Variants in BRINP1 observed in about 807,000 individuals in gnomAD.
The protein encoded by BRINP1 is BMP/retinoic acid-inducible neural-specific protein 1.
BRINP1 carries 17 observed loss-of-function variants against 72.9 expected under a neutral mutation model. That is an observed-to-expected ratio of 0.23 (90% CI 0.16 to 0.35). BRINP1 has a LOEUF of 0.35. Ranked by LOEUF, BRINP1 falls within the 10% of genes least tolerant of loss-of-function variation. BRINP1 has a pLI of 1.00. For synonymous variants in BRINP1, 418 were observed against 378.5 expected, an observed-to-expected ratio of 1.10 and a Z score of -1.21; for missense variants, 850 against 1,001.6, an observed-to-expected ratio of 0.85 and a Z score of 2.04.
At position 119,261,283 on chromosome 9, in the gene BRINP1, G is replaced by T. The variant is rs141269909; in HGVS notation, c.219-12133C>A. On this transcript the variant is annotated intron_variant, in intron 2 of 7. Coordinates refer to ENST00000265922, the MANE Select transcript of BRINP1 (RefSeq NM_014618.3). Reference sequence around the variant, plus strand: ...GTTTCAGAAAAGTAAAAATGTTTATGGAACATTAGCAATTGTCTTCTGGAT... The same window carrying T: ...GTTTCAGAAAAGTAAAAATGTTTATTGAACATTAGCAATTGTCTTCTGGAT... 2.7e-3 allele frequency among the ~76,000 whole-genome samples: 414 copies of T among 152,258 alleles called. 3 individuals are homozygous for T. Among genetic ancestry groups the T allele is most frequent in the African/African-American group, 9.5e-3 (394 of 41,560 alleles).
intron 2 of BRINP1, among the ~76,000 whole-genome samples, chr9:119,273,059 T>C (rs1830623507): frequency 6.6e-6 from 1 of 152,118 alleles, no homozygotes; most frequent in Admixed American, 6.5e-5. Flanking sequence ...CTGCACACAG[T>C]TCTGGGTGCT....
At chr9:119,283,860 C>T (rs1431602684) in intron 2 of BRINP1, among the ~76,000 whole-genome samples, 1 of 152,102 alleles carries the variant, frequency 6.6e-6, no homozygotes, top group Admixed American at 6.5e-5. Flanking sequence ...ACACAAGTAC[C>T]ATACCGTCAC....
At chr9:119,347,914 C>T (rs1222322841) in intron 1 of BRINP1, among the ~76,000 whole-genome samples, 1 of 152,182 alleles carries the variant, frequency 6.6e-6, no homozygotes, top group East Asian at 1.9e-4. Flanking sequence ...CCATTATCAA[C>T]ATGCCCTATT....
chr9:119,253,135 T>C (rs1830410600), intron 2 of BRINP1, among the ~76,000 whole-genome samples: 1 of 152,150 alleles, frequency 6.6e-6, no homozygotes, highest in Admixed American at 6.5e-5. Flanking sequence ...TCCCAAGGAA[T>C]TGGTCCACTG....
chr9:119,349,646 T>C (rs904858547), intron 1 of BRINP1, among the ~76,000 whole-genome samples: 1 of 152,196 alleles, frequency 6.6e-6, no homozygotes, highest in Admixed American at 6.5e-5. Flanking sequence ...CAAAGTTCTA[T>C]TTCAGCCCCT....
At chr9:119,182,774 C>T (rs1829571850) in intron 7 of BRINP1, among the ~76,000 whole-genome samples, 2 of 152,098 alleles carry the variant, frequency 1.3e-5, no homozygotes, top group Non-Finnish European at 2.9e-5. Flanking sequence ...ATTATAGCAG[C>T]CTGAACAGAC....
intron 4 of BRINP1, among the ~76,000 whole-genome samples, chr9:119,241,686 C>T (rs893301035): frequency 3.9e-5 from 6 of 152,202 alleles, no homozygotes; most frequent in African/African-American, 7.2e-5. Flanking sequence ...GTAATCTAAT[C>T]GCTGCTATCT....
rs112994372 is a variant in BRINP1, at chr9:119,209,152, C to T, written c.923-211G>A. On this transcript the variant is annotated intron_variant, in intron 6 of 7. Coordinates refer to ENST00000265922, the MANE Select transcript of BRINP1 (RefSeq NM_014618.3). Reference sequence around the variant, plus strand: ...TTTCTTATGAAGGGAATCTGCATACCGCATTCTTGCTTAAGACAGGGCTTC... The same window carrying T: ...TTTCTTATGAAGGGAATCTGCATACTGCATTCTTGCTTAAGACAGGGCTTC... 9.4e-3 allele frequency among the ~76,000 whole-genome samples: 1,439 copies of T among 152,282 alleles called. 23 individuals carry two copies. The highest frequency in any genetic ancestry group is 0.032 in the African/African-American group (1,316 of 41,554).
intron 5 of BRINP1, among the ~76,000 whole-genome samples, chr9:119,229,831 G>A (rs1830130045): frequency 6.6e-6 from 1 of 152,086 alleles, no homozygotes; most frequent in South Asian, 2.1e-4. Flanking sequence ...ACTATGGGCT[G>A]AGTGATTCAT....
intron 7 of BRINP1, among the ~76,000 whole-genome samples, chr9:119,176,284 T>C (rs1829488909): frequency 2.0e-5 from 3 of 152,126 alleles, no homozygotes; most frequent in African/African-American, 7.2e-5. Context: ...GCTGTGGAGA[T>C]GGTGATGGTG....
At chr9:119,208,020 G>A (rs555537264) in intron 7 of BRINP1, among the ~76,000 whole-genome samples, 105 of 152,264 alleles carry the variant, frequency 6.9e-4, no homozygotes, top group Admixed American at 6.8e-3. Context: ...TTCAAGTCCT[G>A]GCTCCTTCCT....
At chr9:119,256,947 C>T (rs551966477) in intron 2 of BRINP1, among the ~76,000 whole-genome samples, 52 of 152,152 alleles carry the variant, frequency 3.4e-4, no homozygotes, top group Non-Finnish European at 5.4e-4. Flanking sequence ...AAAACATACA[C>T]ATCTTATAGG....
At chr9:119,246,581 C>A (rs886687644) in intron 3 of BRINP1, among the ~76,000 whole-genome samples, 6 of 152,118 alleles carry the variant, frequency 3.9e-5, no homozygotes, top group Non-Finnish European at 7.3e-5. Context: ...ATACATCTAT[C>A]CTATTAGTTC....
At chr9:119,224,685 C>A (rs1318808307) in intron 5 of BRINP1, among the ~76,000 whole-genome samples, 2 of 152,018 alleles carry the variant, frequency 1.3e-5, no homozygotes, top group African/African-American at 4.8e-5. Context: ...AAAGGTGCAG[C>A]CTTTTTTCAG....
At chr9:119,256,957 G>A (rs1026245363) in intron 2 of BRINP1, among the ~76,000 whole-genome samples, 3 of 152,054 alleles carry the variant, frequency 2.0e-5, no homozygotes, top group African/African-American at 7.3e-5. Context: ...CATCTTATAG[G>A]CCGTAAAATA....
intron 1 of BRINP1, among the ~76,000 whole-genome samples, chr9:119,340,746 A>T (rs1831397918): frequency 6.6e-6 from 1 of 152,142 alleles, no homozygotes; most frequent in South Asian, 2.1e-4. Flanking sequence ...GGGAGAGTAA[A>T]CTTGTGATTC....
intron 1 of BRINP1, among the ~76,000 whole-genome samples, chr9:119,338,386 A>G (rs572427501): frequency 6.9e-6 from 1 of 145,360 alleles, no homozygotes; most frequent in African/African-American, 2.6e-5. Context: ...TCTCTTGTCT[A>G]CTCTTAACCC....
Position 119,167,450 on chromosome 9 carries a change from C to G in BRINP1, c.1920G>C (p.Leu640=), listed in dbSNP as rs967125766. 6.2e-7 allele frequency: 1 copy of G among 1,614,084 alleles called. No homozygotes were observed. The change falls in exon 8 of 8, where the codon CTG becomes CTC. Residue 640 remains leucine (L), a synonymous_variant. Coordinates refer to ENST00000265922, the MANE Select transcript of BRINP1 (RefSeq NM_014618.3). This position sits in a 1 kb window ranked among gnomAD's most constrained non-coding sequence, Gnocchi z 4.3. The part of the protein sequence containing the change: ...RNETGQGPVD[L]SDPSKRQFYI... ...AGAACTGCCTCTTGGAGGGATCCGACAGGTCCACGGGGCCCTGGCCAGTCT... is the reference window on the plus strand; with the variant it reads ...AGAACTGCCTCTTGGAGGGATCCGAGAGGTCCACGGGGCCCTGGCCAGTCT...
At chr9:119,253,108 ACGG>A (rs1830410125) in intron 2 of BRINP1, among the ~76,000 whole-genome samples, 1 of 152,196 alleles carries the variant, frequency 6.6e-6, no homozygotes, top group Non-Finnish European at 1.5e-5. Flanking sequence ...GCTCAGCACC[ACGG>A]ACAGAGTTTT....
Sources: allele counts gnomAD v4.1 joint callset (sites outside exome capture counted in the v4.1 genomes callset), GRCh38; gene constraint gnomAD v4.1.1; non-coding constraint Gnocchi (gnomAD v3.1); transcripts MANE v1.5; gene names NCBI Gene and HGNC (gene_info 2026-07-23, HGNC 2026-07-21).